Variants in FZD8 observed in about 807,000 individuals in gnomAD.
FZD8 encodes frizzled-8.
Under a neutral mutation model 46.0 loss-of-function variants are expected in FZD8, and 18 were observed. That is an observed-to-expected ratio of 0.39 (90% confidence interval 0.27 to 0.58). The LOEUF is 0.58. FZD8 is among the 20% of genes least tolerant of loss of function. The pLI is 0.55. For synonymous variants in FZD8, 586 were observed against 467.9 expected (o/e 1.25, Z -3.26); for missense variants, 785 against 983.4 (o/e 0.80, Z 2.70).
rs1360283486 is a variant in FZD8, at chr10:35,639,070, T to C, written c.*275A>G. On this transcript the variant is annotated 3_prime_UTR_variant, in exon 1 of 1. Coordinates refer to ENST00000374694, the MANE Select transcript of FZD8 (RefSeq NM_031866.3). Reference sequence around the variant, plus strand: ...TCTGGAAACGCCGCAGAGTCCACCCTCCTCAGCCAACAGAAATTAACGCGT... The same window carrying C: ...TCTGGAAACGCCGCAGAGTCCACCCCCCTCAGCCAACAGAAATTAACGCGT... The C allele has an allele frequency of 6.3e-6, 1 of 159,680 alleles. No individual in the cohort carries two copies. The highest frequency in any genetic ancestry group is 1.4e-5 in the Non-Finnish European group (1 of 72,656). 9.9% of individuals were successfully genotyped at this position (159,680 alleles called of 1,614,324 possible). A position where few individuals can be genotyped will look rare whatever the true frequency, so the allele number is the denominator to read the frequency against.
chr10:35,639,481 C>A lies in FZD8; in HGVS notation c.1949G>T (p.Gly650Val), dbSNP rs758242924. The change falls in exon 1 of 1, where the codon GGG (glycine) becomes GTG (valine). Residue 650 changes from glycine (G) to valine (V), a missense_variant. Transcript: ENST00000374694. ...CGGCCCCCCGCCGCCGCCGGGTCCCCCGCCGCCGCCGCCCCCCGGCCCGCC... is the reference window on the plus strand; with the variant it reads ...CGGCCCCCCGCCGCCGCCGGGTCCCACGCCGCCGCCGCCCCCCGGCCCGCC... ...GGGGPGGGGG[G>V]GPGGGGGPGG... 3.2e-6 allele frequency: 3 copies of A among 942,824 alleles called. No individual in the cohort carries two copies. The South Asian group carries it at 1.4e-4, about 44-fold the overall frequency. The allele number at this position is 942,824 out of a possible 1,614,324, so 58.4% of individuals were successfully genotyped here.
rs1187704524 is a variant in FZD8, at chr10:35,639,510, A to G, written c.1920T>C (p.Gly640=). Residue 640 remains glycine (G), a synonymous_variant, in exon 1 of 1, where the codon GGT becomes GGC. Transcript: ENST00000374694. ...CGCCGCCGCCCCCCGGCCCGCCGCC[A>G]CCCCCCGCGGCCGTGGCGCCCGCGC... is the stretch of plus-strand genomic sequence containing the variant. ...GGGAGATAAG[G]GGGPGGGGGG... is the part of the protein sequence containing the mutation. 46 of 890,924 alleles carry G rather than the reference A, an allele frequency of 5.2e-5. No homozygotes were observed. The highest frequency in any genetic ancestry group is 6.1e-5 in the Non-Finnish European group (45 of 731,808). 55.2% of individuals were successfully genotyped at this position (890,924 alleles called of 1,614,324 possible).
Position 35,639,248 on chromosome 10 carries a change from G to T in FZD8, c.*97C>A. 2.7e-6 allele frequency: 1 copy of T among 374,428 alleles called. No individual in the cohort carries two copies. Among genetic ancestry groups the T allele is most frequent in the Non-Finnish European group, 4.5e-6 (1 of 220,706 alleles). The allele number at this position is 374,428 out of a possible 1,614,324, so 23.2% of individuals were successfully genotyped here. On this transcript the variant is annotated 3_prime_UTR_variant, in exon 1 of 1. Transcript: ENST00000374694. Reference sequence around the variant, plus strand: ...TCATGCTAATAGCAATCAACACTGTGAAGGGGTGGGAACCTCAGCCCATCA... The same window carrying T: ...TCATGCTAATAGCAATCAACACTGTTAAGGGGTGGGAACCTCAGCCCATCA...
rs752620214 is a variant in FZD8 at position 35,640,321 on chromosome 10, G to C, written c.1109C>G (p.Pro370Arg). Residue 370 changes from proline (P) to arginine (R), a missense_variant, in exon 1 of 1, where the codon CCG (proline) becomes CGG (arginine). This residue lies in a region of FZD8 where 88 missense variants were observed against 83.6 expected (regional missense o/e 1.05). Coordinates refer to ENST00000374694, the MANE Select transcript of FZD8 (RefSeq NM_031866.3). ...CTCCTCGTACTCGCCGCGCCCGCCC[G>C]GGCCGCCCGCGCCCGCGCCCGCCGC... Reference protein sequence around the residue: ...AGAAGAGAGGPGGRGEYEELG... With the variant: ...AGAAGAGAGGRGGRGEYEELG... The C allele has an allele frequency of 2.5e-6, 3 of 1,219,434 alleles. No homozygotes were observed. Among genetic ancestry groups the C allele is most frequent in the Admixed American group, 3.3e-5 (1 of 30,278 alleles). 75.5% of individuals were successfully genotyped at this position (1,219,434 alleles called of 1,614,324 possible).
Position 35,640,199 on chromosome 10 carries a change from A to C in FZD8, c.1231T>G (p.Ser411Ala). 6.2e-7 allele frequency: 1 copy of C among 1,613,078 alleles called. No homozygotes were observed. Among genetic ancestry groups the C allele is most frequent in the South Asian group, 1.1e-5 (1 of 91,074 alleles). The change falls in exon 1 of 1, where the codon TCC becomes GCC. Residue 411 changes from serine to alanine, a missense_variant. Coordinates refer to ENST00000374694, the MANE Select transcript of FZD8 (RefSeq NM_031866.3). Reference protein sequence around the residue: ...LLVYFFGMASSIWWVILSLTW... With the variant: ...LLVYFFGMASAIWWVILSLTW... ...AGCGACAAGATCACCCACCAGATGG[A>C]GCTGGCCATGCCGAAGAAGTAGACC...
rs372059031 is a variant in FZD8 at position 35,639,678 on chromosome 10, G to A, written c.1752C>T (p.Ala584=). The part of the protein sequence containing the change: ...QPDQARRPDY[A]VFMLKYFMCL... ...ACATGAAGTACTTGAGCATGAAGAC[G>A]GCGTAGTCGGGCCTGCGTGCCTGGT... is the stretch of plus-strand genomic sequence containing the variant. The change falls in exon 1 of 1, where the codon GCC becomes GCT. Residue 584 remains alanine (A), a synonymous_variant. Transcript: ENST00000374694. 3 of 1,599,198 alleles carry A rather than the reference G, an allele frequency of 1.9e-6. No individual in the cohort carries two copies. Among genetic ancestry groups the A allele is most frequent in the Non-Finnish European group, 2.5e-6 (3 of 1,179,692 alleles).
At position 35,639,400 on chromosome 10, in the gene FZD8, G is replaced by A. The variant is rs1483871697; in HGVS notation, c.2030C>T (p.Ser677Leu). 4 of 1,457,106 alleles carry A rather than the reference G, an allele frequency of 2.7e-6. No homozygotes were observed. Among genetic ancestry groups the A allele is most frequent in the African/African-American group, 1.5e-5 (1 of 65,938 alleles). 90.3% of individuals were successfully genotyped at this position (1,457,106 alleles called of 1,614,324 possible). ...SDVSTGLTWR[S>L]GTASSVSYPK... ...ATAAGACACGGAGCTCGCCGTGCCC[G>A]ACCGCCACGTCAGGCCAGTGCTGAC... Residue 677 changes from serine (S) to leucine (L), a missense_variant, in exon 1 of 1, where the codon TCG (serine) becomes TTG (leucine). By Grantham distance (145) the Ser-to-Leu change is moderately radical (BLOSUM62 -2). Transcript: ENST00000374694.
rs1280188759 is a variant in FZD8 at position 35,639,267 on chromosome 10, C to T, written c.*78G>A. ...CACTGTGAAGGGGTGGGAACCTCAG[C>T]CCATCAAGTGTCCCTTCGCTGCACT... On this transcript the variant is annotated 3_prime_UTR_variant, in exon 1 of 1. Transcript: ENST00000374694. The T allele has an allele frequency of 3.3e-6, 2 of 606,300 alleles. No homozygotes were observed. Among genetic ancestry groups the T allele is most frequent in the Admixed American group, 3.8e-5 (1 of 26,504 alleles). The allele number at this position is 606,300 out of a possible 1,614,324, so 37.6% of individuals were successfully genotyped here.
chr10:35,640,672 T>C lies in FZD8; in HGVS notation c.758A>G (p.Lys253Arg), dbSNP rs1835842402. ...SERHPLYNRV[K>R]TGQIANCALP... ...CGCGCAGTTAGCGATCTGGCCTGTCTTGACGCGGTTGTAGAGCGGGTGGCG... is the reference window on the plus strand; with the variant it reads ...CGCGCAGTTAGCGATCTGGCCTGTCCTGACGCGGTTGTAGAGCGGGTGGCG... Residue 253 changes from lysine to arginine, a missense_variant, in exon 1 of 1, where the codon AAG (lysine) becomes AGG (arginine). Physicochemically the swap from Lys to Arg is conservative, Grantham distance 26 (BLOSUM62 2). Coordinates refer to ENST00000374694, the MANE Select transcript of FZD8 (RefSeq NM_031866.3). 6.4e-7 allele frequency: 1 copy of C among 1,562,768 alleles called. No individual in the cohort carries two copies. The highest frequency in any genetic ancestry group is 1.2e-5 in the South Asian group (1 of 86,122).
At position 35,641,094 on chromosome 10, in the gene FZD8, C is replaced by T. The variant is rs1248977392; in HGVS notation, c.336G>A (p.Glu112=). Residue 112 remains glutamate, a synonymous_variant, in exon 1 of 1, where the codon GAG becomes GAA. Transcript: ENST00000374694. This position sits in a 1 kb window ranked among gnomAD's most constrained non-coding sequence, Gnocchi z 6.3. ...KPLPPCRSVC[E]RAKAGCAPLM... is the part of the protein sequence containing the mutation. The stretch of plus-strand genomic sequence containing the variant: ...GCGGCGCGCAGCCGGCCTTGGCGCG[C>T]TCGCACACCGAGCGGCAGGGCGGCA... The T allele has an allele frequency of 2.5e-6, 4 of 1,611,726 alleles. No homozygotes were observed. In the East Asian group the frequency reaches 8.9e-5, roughly 36 times the overall value.
chr10:35,641,574 T>TA lies in FZD8; in HGVS notation c.-146dup. On this transcript the variant is annotated 5_prime_UTR_variant, in exon 1 of 1. Transcript: ENST00000374694. The surrounding 1 kb of genome is among the most constrained non-coding windows in gnomAD (Gnocchi z 6.3). ...TTCGCCCGGGAGGGGGGTCTGCCGATAATCTAACCCCTTCTAGGGGCGCGT... is the reference window on the plus strand; with the variant it reads ...TTCGCCCGGGAGGGGGGTCTGCCGATAAATCTAACCCCTTCTAGGGGCGCGT... 1 of 1,096,702 alleles carries TA rather than the reference T, an allele frequency of 9.1e-7. No individual in the cohort carries two copies. Among genetic ancestry groups the TA allele is most frequent in the African/African-American group, 1.6e-5 (1 of 62,660 alleles). 67.9% of individuals were successfully genotyped at this position (1,096,702 alleles called of 1,614,324 possible). A position where few individuals can be genotyped will look rare whatever the true frequency, so the allele number is the denominator to read the frequency against.
chr10:35,639,475 GGTCCCCCGCCGCCGCCGC>G lies in FZD8; in HGVS notation c.1937_1954del (p.Gly646_Pro652delinsAla). 2 of 975,946 alleles carry G rather than the reference GGTCCCCCGCCGCCGCCGC, an allele frequency of 2.0e-6. No homozygotes were observed. The highest frequency in any genetic ancestry group is 2.4e-6 in the Non-Finnish European group (2 of 818,180). 60.5% of individuals were successfully genotyped at this position (975,946 alleles called of 1,614,324 possible). ...GCCGCCCGGCCCCCCGCCGCCGCCG[GGTCCCCCGCCGCCGCCGC>G]CCCCCGGCCCGCCGCCACCCCCCGC... On this transcript the variant is annotated inframe_deletion, in exon 1 of 1. Transcript: ENST00000374694.
chr10:35,640,050 G>T lies in FZD8; in HGVS notation c.1380C>A (p.Ser460Arg). 1 of 1,610,062 alleles carries T rather than the reference G, an allele frequency of 6.2e-7. No individual in the cohort carries two copies. Residue 460 changes from serine to arginine, a missense_variant, in exon 1 of 1, where the codon AGC becomes AGA. Physicochemically the swap from Ser to Arg is moderately radical, Grantham distance 110 (BLOSUM62 -1). Coordinates refer to ENST00000374694, the MANE Select transcript of FZD8 (RefSeq NM_031866.3). The stretch of plus-strand genomic sequence containing the variant: ...CCGCCACCGGGTCGCCGTCCACCGA[G>T]CTGAGCGCCAGCACCGCGATGGACT... ...SVKSIAVLAL[S>R]SVDGDPVAGI...
Position 35,640,345 on chromosome 10 carries a change from G to A in FZD8, c.1085C>T (p.Ala362Val). ...GAGGAAAGAG[A>V]AGAGAGGPGG... ...CGGGCCGCCCGCGCCCGCGCCCGCC[G>A]CGCCCGCGCCCGCCGCCGCGCCGCC... The change falls in exon 1 of 1, where the codon GCG (alanine) becomes GTG (valine). Residue 362 changes from alanine (A) to valine (V), a missense_variant. Around this residue, in one of 5 missense-constraint regions of FZD8, gnomAD observed 88 missense variants for 83.6 expected, o/e 1.05. Coordinates refer to ENST00000374694, the MANE Select transcript of FZD8 (RefSeq NM_031866.3). 30 of 962,990 alleles carry A rather than the reference G, an allele frequency of 3.1e-5. No individual in the cohort carries two copies. Among genetic ancestry groups the A allele is most frequent in the Non-Finnish European group, 3.7e-5 (30 of 812,926 alleles). The allele number at this position is 962,990 out of a possible 1,614,324, so 59.7% of individuals were successfully genotyped here. A position where few individuals can be genotyped will look rare whatever the true frequency, so the allele number is the denominator to read the frequency against.
rs1285792600 is a variant in FZD8 at position 35,640,965 on chromosome 10, G to A, written c.465C>T (p.Asp155=). 1 of 1,580,294 alleles carries A rather than the reference G, an allele frequency of 6.3e-7. No individual in the cohort carries two copies. The highest frequency in any genetic ancestry group is 8.6e-7 in the Non-Finnish European group (1 of 1,165,628). The stretch of plus-strand genomic sequence containing the variant: ...GCGGGCTGGGCGCGGCGGTGGTTAG[G>A]TCGGTGCGGTTGTAGTCCATGCACA... ...DTLCMDYNRT[D]LTTAAPSPPR... is the part of the protein sequence containing the mutation. The change falls in exon 1 of 1, where the codon GAC becomes GAT. Residue 155 remains aspartate, a synonymous_variant. Transcript: ENST00000374694.
rs762630852 is a variant in FZD8 at position 35,641,028 on chromosome 10, G to A, written c.402C>T (p.Arg134=). ...QYGFAWPDRM[R]CDRLPEQGNP... ...TGCCTTGCTCGGGCAGCCGGTCGCAGCGCATGCGGTCGGGCCAGGCGAAGC... is the reference window on the plus strand; with the variant it reads ...TGCCTTGCTCGGGCAGCCGGTCGCAACGCATGCGGTCGGGCCAGGCGAAGC... The change falls in exon 1 of 1, where the codon CGC becomes CGT. Residue 134 remains arginine (R), a synonymous_variant. Transcript: ENST00000374694. This position sits in a 1 kb window ranked among gnomAD's most constrained non-coding sequence, Gnocchi z 6.3. The A allele has an allele frequency of 5.0e-5, 81 of 1,607,910 alleles. No homozygotes were observed. In the South Asian group the frequency reaches 8.1e-4, roughly 16 times the overall value.
chr10:35,639,310 CTCCCCACCCCTCCTG>C lies in FZD8; in HGVS notation c.*20_*34del. The C allele has an allele frequency of 1.1e-6, 1 of 877,626 alleles. No homozygotes were observed. The highest frequency in any genetic ancestry group is 1.6e-6 in the Non-Finnish European group (1 of 607,010). The allele number at this position is 877,626 out of a possible 1,614,324, so 54.4% of individuals were successfully genotyped here. ...GCTGCACTTGGCTCTCCTCGCCCCC[CTCCCCACCCCTCCTG>C]GGCGCCCCCTCCCCTCCGCTCAGAC... On this transcript the variant is annotated 3_prime_UTR_variant, in exon 1 of 1. Transcript: ENST00000374694.
Position 35,642,014 on chromosome 10 carries a change from G to C in FZD8, c.-585C>G, listed in dbSNP as rs1835876348. On this transcript the variant is annotated 5_prime_UTR_variant, in exon 1 of 1. Transcript: ENST00000374694. The stretch of plus-strand genomic sequence containing the variant: ...CCGCCGCCGCCGCCGCCGGAGTTGG[G>C]GACCCGCCTCGGCCCAGGCCGCCGC... 6.4e-6 allele frequency: 1 copy of C among 155,862 alleles called. No homozygotes were observed. Among genetic ancestry groups the C allele is most frequent in the South Asian group, 1.8e-4 (1 of 5,710 alleles). The allele number at this position is 155,862 out of a possible 1,614,324, so 9.7% of individuals were successfully genotyped here. A position where few individuals can be genotyped will look rare whatever the true frequency, so the allele number is the denominator to read the frequency against.
chr10:35,639,627 G>A lies in FZD8; in HGVS notation c.1803C>T (p.Gly601=). ...GCGTCTTGCCGGACCAGACCCACAC[G>A]CCCGAGGTGATGCCCACCACTAGGC... ...FMCLVVGITS[G]VWVWSGKTLE... Residue 601 remains glycine (G), a synonymous_variant, in exon 1 of 1, where the codon GGC becomes GGT. Transcript: ENST00000374694. 2 of 1,598,120 alleles carry A rather than the reference G, an allele frequency of 1.3e-6. No homozygotes were observed. The highest frequency in any genetic ancestry group is 1.7e-6 in the Non-Finnish European group (2 of 1,179,622).
Sources: gnomAD v4.1 joint callset for allele counts on GRCh38, gnomAD v4.1.1 for gene constraint, gnomAD v4.1.1 regional missense constraint, Gnocchi (gnomAD v3.1) non-coding constraint, MANE v1.5 for transcripts, NCBI Gene and HGNC (gene_info 2026-07-23, HGNC 2026-07-21) for gene names.